Variants in FOXP1 observed in about 807,000 individuals in gnomAD.
The protein encoded by FOXP1 is forkhead box protein P1.
Under a neutral mutation model 98.2 loss-of-function variants are expected in FOXP1, and 15 were observed. The ratio of observed to expected loss-of-function variants is 0.15; its 90% CI spans 0.10 to 0.24. FOXP1 has a LOEUF of 0.24. Among genes scored for constraint, FOXP1 ranks in the 10% least tolerant of loss-of-function variants. The pLI is 1.00. For missense variants in FOXP1, 633 were observed against 848.5 expected (o/e 0.75, Z 3.15); for synonymous variants, 371 against 314.5 (o/e 1.18, Z -1.90).
intron 7 of FOXP1, among the ~76,000 whole-genome samples, chr3:71,092,902 A>G (rs1392411361): frequency 1.3e-5 from 2 of 152,238 alleles, no homozygotes; most frequent in African/African-American, 4.8e-5. Context: ...ATATATGAAG[A>G]CACCACATTA....
At chr3:71,447,093 T>C (rs1288622576) in intron 3 of FOXP1, among the ~76,000 whole-genome samples, 2 of 152,190 alleles carry the variant, frequency 1.3e-5, no homozygotes, top group African/African-American at 4.8e-5. Flanking sequence ...CATCTTTTGG[T>C]TTGTTACAAG....
At chr3:71,452,095 C>A (rs1179909447) in intron 3 of FOXP1, among the ~76,000 whole-genome samples, 1 of 152,118 alleles carries the variant, frequency 6.6e-6, no homozygotes, top group Non-Finnish European at 1.5e-5. Flanking sequence ...CATGTCATTG[C>A]CAAATATTTA....
chr3:71,392,099 T>C (rs1560416955), intron 3 of FOXP1, among the ~76,000 whole-genome samples: 1 of 152,198 alleles, frequency 6.6e-6, no homozygotes, highest in Non-Finnish European at 1.5e-5. Context: ...AAAATTATCG[T>C]TGGGTTATGA....
intron 5 of FOXP1, among the ~76,000 whole-genome samples, chr3:71,277,566 G>C (rs1311667625): frequency 6.6e-6 from 1 of 152,050 alleles, no homozygotes; most frequent in Non-Finnish European, 1.5e-5. Flanking sequence ...GCATCAGTCT[G>C]ATGACTGCAG....
intron 4 of FOXP1, among the ~76,000 whole-genome samples, chr3:71,350,529 T>C (rs1326640934): frequency 1.3e-5 from 2 of 152,108 alleles, no homozygotes; most frequent in South Asian, 2.1e-4. Context: ...GGTAGGTGGA[T>C]GGTTGAAGAG....
At chr3:71,277,251 C>A (rs998966853) in intron 5 of FOXP1, among the ~76,000 whole-genome samples, 2 of 149,284 alleles carry the variant, frequency 1.3e-5, no homozygotes, top group Middle Eastern at 3.4e-3. Flanking sequence ...AGCCACCGCA[C>A]CTGGCTGAAC....
intron 17 of FOXP1, among the ~76,000 whole-genome samples, chr3:70,976,592 C>T (rs1044531619): frequency 6.6e-6 from 1 of 152,172 alleles, no homozygotes. Context: ...CTGCAAATAT[C>T]GGCTGTGGCT....
At chr3:71,486,188 C>T (rs2090634325) in intron 3 of FOXP1, among the ~76,000 whole-genome samples, 1 of 152,140 alleles carries the variant, frequency 6.6e-6, no homozygotes, top group South Asian at 2.1e-4. Context: ...AACCTTCTCT[C>T]TTCTCAACAT....
intron 5 of FOXP1, among the ~76,000 whole-genome samples, chr3:71,261,236 C>A (rs2081031295): frequency 6.6e-6 from 1 of 152,104 alleles, no homozygotes. Context: ...GGGCTATATT[C>A]TCTATTTAAT....
chr3:71,543,653 A>C (rs2045079240), intron 2 of FOXP1: 1 of 152,314 alleles, frequency 6.6e-6, no homozygotes, highest in Non-Finnish European at 1.5e-5. Flanking sequence ...CATGTGGCCA[A>C]GCAAAGCTTG....
intron 3 of FOXP1, among the ~76,000 whole-genome samples, chr3:71,480,697 G>T (rs997589405): frequency 3.9e-5 from 6 of 152,142 alleles, no homozygotes; most frequent in African/African-American, 7.2e-5. Context: ...GGCTCAAGAA[G>T]ATCTGCTAAC....
intron 6 of FOXP1, among the ~76,000 whole-genome samples, chr3:71,137,224 C>T (rs2059861628): frequency 6.6e-6 from 1 of 152,142 alleles, no homozygotes; most frequent in Non-Finnish European, 1.5e-5. Context: ...AATTGACCCT[C>T]AAAATAACTG....
chr3:71,375,868 G>C (rs767776232), intron 3 of FOXP1, among the ~76,000 whole-genome samples: 1 of 152,156 alleles, frequency 6.6e-6, no homozygotes, highest in African/African-American at 2.4e-5. Context: ...GGTGTCACTG[G>C]AGTGTTAACC....
chr3:71,260,920 C>T (rs774427973), intron 5 of FOXP1, among the ~76,000 whole-genome samples: 1 of 152,122 alleles, frequency 6.6e-6, no homozygotes, highest in Non-Finnish European at 1.5e-5. Context: ...AAAAAGTCTA[C>T]CAATTCACAG....
intron 1 of FOXP1, 181 bp downstream of exon 1, chr3:71,583,390 G>A: frequency 1.1e-6 from 1 of 874,820 alleles, no homozygotes; most frequent in Non-Finnish European, 1.4e-6. Flanking sequence ...GAGGGCTGGG[G>A]GAGATGCACG....
intron 4 of FOXP1, among the ~76,000 whole-genome samples, chr3:71,346,566 C>A (rs1314356247): frequency 6.6e-6 from 1 of 152,142 alleles, no homozygotes; most frequent in Admixed American, 6.6e-5. Context: ...CAGACCTATT[C>A]ACTAAGGAAG....
intron 2 of FOXP1, among the ~76,000 whole-genome samples, chr3:71,542,378 C>T (rs2044918036): frequency 1.3e-5 from 2 of 152,210 alleles, no homozygotes; most frequent in South Asian, 2.1e-4. Context: ...AAAAGAACTA[C>T]CCCTTTGTAA....
chr3:71,279,889 C>T (rs765435620), intron 5 of FOXP1, among the ~76,000 whole-genome samples: 27 of 151,992 alleles, frequency 1.8e-4, no homozygotes, highest in Admixed American at 2.6e-4. Flanking sequence ...TTTGCGAGGC[C>T]GAGGCAGGCG....
intron 5 of FOXP1, among the ~76,000 whole-genome samples, chr3:71,205,220 C>G (rs2063946441): frequency 6.6e-6 from 1 of 152,098 alleles, no homozygotes; most frequent in Admixed American, 6.5e-5. Context: ...TCCGAATTGA[C>G]AAACAAATGA....
Sources: gnomAD v4.1 joint callset for allele counts (sites outside exome capture counted in the v4.1 genomes callset) on GRCh38, gnomAD v4.1.1 for gene constraint, MANE v1.5 for transcripts, NCBI Gene and HGNC (gene_info 2026-07-23, HGNC 2026-07-21) for gene names.